FGF13: variants seen among roughly 807,000 people sequenced by gnomAD.
The protein encoded by FGF13 is fibroblast growth factor homologous factor 2.
A neutral mutation model predicts 19.5 loss-of-function variants in FGF13; 2 were observed. The observed-to-expected ratio is 0.10, with a 90% CI of 0.04 to 0.32. The LOEUF is 0.32. Ranked by LOEUF, FGF13 falls within the 10% of genes least tolerant of loss-of-function variation. The pLI is 1.00. For synonymous variants in FGF13, 72 were observed against 76.9 expected (o/e 0.94, Z 0.33); for missense variants, 113 against 192.7 (o/e 0.59, Z 2.45).
At chrX:138,906,736 A>G (rs777912024) in intron 1 of FGF13, among the ~76,000 whole-genome samples, 37 of 110,862 alleles carry the variant, frequency 3.3e-4, no homozygotes, top group Non-Finnish European at 5.9e-4. Context: ...AATTAAATCA[A>G]TCAGGCTATT....
chrX:138,861,285 C>A, intron 2 of FGF13, among the ~76,000 whole-genome samples: 1 of 112,135 alleles, frequency 8.9e-6, no homozygotes, highest in East Asian at 2.8e-4. Flanking sequence ...ATACAGTATT[C>A]CCATTTCAAA....
chrX:139,167,433 T>A (rs182195814), intron 1 of FGF13, among the ~76,000 whole-genome samples: 1 of 112,051 alleles, frequency 8.9e-6, no homozygotes, highest in East Asian at 2.8e-4. Flanking sequence ...ATGTCACTCA[T>A]CTCAACTCAC....
intron 3 of FGF13, among the ~76,000 whole-genome samples, chrX:138,649,031 TTAAAGA>T (rs1161646785): frequency 2.7e-5 from 3 of 111,951 alleles, no homozygotes; most frequent in East Asian, 2.8e-4. Flanking sequence ...ATATATTACC[TTAAAGA>T]TAATCAAGGG....
At chrX:139,037,350 T>C (rs2092253954) in intron 1 of FGF13, among the ~76,000 whole-genome samples, 1 of 111,035 alleles carries the variant, frequency 9.0e-6, no homozygotes, top group African/African-American at 3.3e-5. Context: ...GTAATGTTCA[T>C]GAGCATGCTT....
At chrX:138,745,004 C>T (rs1374477647) in intron 3 of FGF13, among the ~76,000 whole-genome samples, 1 of 111,917 alleles carries the variant, frequency 8.9e-6, no homozygotes, top group Middle Eastern at 4.7e-3. Flanking sequence ...ACTATATCTA[C>T]GTGTTATTAC....
chrX:138,822,828 A>T (rs953066907), intron 3 of FGF13, among the ~76,000 whole-genome samples: 7 of 112,338 alleles, frequency 6.2e-5, no homozygotes, highest in Non-Finnish European at 1.3e-4. Context: ...TTATGCTTTT[A>T]CTGAATGCCT....
In FGF13 at chrX:138,897,728, C is replaced by T. The variant is rs771471772; in HGVS notation, c.-112-33078G>A. Among the ~76,000 whole-genome samples, 7 of 111,565 alleles carry T rather than the reference C, an allele frequency of 6.3e-5. No homozygotes were observed. In the East Asian group the frequency reaches 1.4e-3, roughly 23 times the overall value. On this transcript the variant is annotated intron_variant, in intron 1 of 2. Transcript: ENST00000421460. Reference sequence around the variant, plus strand: ...CACAGAACCAAAGAGTTCACACCACCAAACTACTATGAGGTTGATGAGTCT... The same window carrying T: ...CACAGAACCAAAGAGTTCACACCACTAAACTACTATGAGGTTGATGAGTCT...
At chrX:138,819,902 GA>G (rs1168232391) in intron 3 of FGF13, among the ~76,000 whole-genome samples, 1 of 111,517 alleles carries the variant, frequency 9.0e-6, no homozygotes, top group Non-Finnish European at 1.9e-5. Context: ...TGAAGATTCA[GA>G]AAAAAACAAC....
At chrX:139,063,346 C>A (rs745312733) in intron 1 of FGF13, among the ~76,000 whole-genome samples, 26 of 111,586 alleles carry the variant, frequency 2.3e-4, no homozygotes, top group African/African-American at 8.4e-4. Context: ...GAAAACATAC[C>A]ATCTGTGAAA....
intron 2 of FGF13, among the ~76,000 whole-genome samples, chrX:138,860,374 G>A (rs964047871): frequency 9.0e-6 from 1 of 111,217 alleles, no homozygotes; most frequent in East Asian, 2.9e-4. Context: ...GATGCAATGC[G>A]TCCATGGGGT....
intron 1 of FGF13, among the ~76,000 whole-genome samples, chrX:138,916,385 A>G (rs2124235427): frequency 8.9e-6 from 1 of 112,014 alleles, no homozygotes; most frequent in African/African-American, 3.2e-5. Flanking sequence ...ATCAAAGAAG[A>G]AACAGTCTTC....
At chrX:138,852,624 C>G (rs754851532), downstream of FGF13, among the ~76,000 whole-genome samples, 4 of 111,615 alleles carry the variant, frequency 3.6e-5, no homozygotes, top group Non-Finnish European at 5.6e-5. Flanking sequence ...CTAGGCAATG[C>G]CATTCAGGAC....
intron 3 of FGF13, among the ~76,000 whole-genome samples, chrX:138,820,143 TTTTA>T (rs1469263863): frequency 8.9e-6 from 1 of 112,226 alleles, no homozygotes; most frequent in African/African-American, 3.2e-5. Flanking sequence ...ACAAAAATTC[TTTTA>T]TTTAAGTGAA....
At chrX:138,752,994 C>T (rs758798926) in intron 3 of FGF13, among the ~76,000 whole-genome samples, 70 of 111,501 alleles carry the variant, frequency 6.3e-4, no homozygotes, top group Admixed American at 1.6e-3. Context: ...AAATAGAAAC[C>T]CAGATAACTA....
rs768356651 is a variant in FGF13, at chrX:138,778,723, G to A, written c.218-69795C>T. On this transcript the variant is annotated intron_variant, in intron 3 of 6. Coordinates refer to the FGF13 transcript ENST00000436198. ...ACACTCTGAGATCAAACAGCAAGGC[G>A]GCAGCCAGGCTGGGGGAGGGGCGCC... is the stretch of plus-strand genomic sequence containing the variant. Among the ~76,000 whole-genome samples, 7 of 112,321 alleles carry A rather than the reference G, an allele frequency of 6.2e-5. No individual in the cohort carries two copies. The South Asian group carries it at 1.9e-3, about 30-fold the overall frequency.
chrX:139,075,337 G>T (rs2092388523), intron 1 of FGF13, among the ~76,000 whole-genome samples: 1 of 111,920 alleles, frequency 8.9e-6, no homozygotes, highest in Non-Finnish European at 1.9e-5. Context: ...GCTCAGTGGG[G>T]ACTATTCTCA....
chrX:139,017,220 A>G (rs1311906522), intron 1 of FGF13, among the ~76,000 whole-genome samples: 1 of 109,383 alleles, frequency 9.1e-6, no homozygotes, highest in Non-Finnish European at 1.9e-5. Flanking sequence ...TTATGTCCCC[A>G]ACTCTGTTAT....
intron 1 of FGF13, among the ~76,000 whole-genome samples, chrX:138,887,485 A>G (rs2091456575): frequency 9.0e-6 from 1 of 111,530 alleles, no homozygotes; most frequent in Non-Finnish European, 1.9e-5. Flanking sequence ...GCAATGTGAC[A>G]CCATGAAAAG....
At chrX:138,967,231 C>A (rs941308069) in intron 1 of FGF13, among the ~76,000 whole-genome samples, 2 of 109,614 alleles carry the variant, frequency 1.8e-5, no homozygotes, top group Admixed American at 2.0e-4. Context: ...AGCAGGAATT[C>A]ACTTTGTCTA....
Sources: gnomAD v4.1 joint callset for allele counts (sites outside exome capture counted in the v4.1 genomes callset) on GRCh38, gnomAD v4.1.1 for gene constraint, MANE v1.5 for transcripts, NCBI Gene and HGNC (gene_info 2026-07-23, HGNC 2026-07-21) for gene names.